ARHGEF12: variants seen among roughly 807,000 people sequenced by gnomAD.
ARHGEF12 encodes KMT2A/ARHGEF12 fusion protein.
A neutral mutation model predicts 211.2 loss-of-function variants in ARHGEF12; 66 were observed. The observed-to-expected ratio is 0.31, with a 90% confidence interval of 0.26 to 0.38. The LOEUF is 0.38. ARHGEF12 is among the 10% of genes least tolerant of loss of function. The probability of loss-of-function intolerance (pLI) is 1.00; values close to 1 mark genes in which losing one functional copy is unlikely to be tolerated. For synonymous variants in ARHGEF12, 592 were observed against 638.4 expected (o/e 0.93, Z 1.09); for missense variants, 1,429 against 1,869.5 (o/e 0.76, Z 4.34).
chr11:120,484,025 G>A (rs979300720), intron 39 of ARHGEF12, among the ~76,000 whole-genome samples: 104 of 152,208 alleles, frequency 6.8e-4, no homozygotes, highest in African/African-American at 2.4e-3. Flanking sequence ...AAAGTGCTGG[G>A]ATTACAGGCG....
intron 1 of ARHGEF12, among the ~76,000 whole-genome samples, chr11:120,386,434 C>T (rs1397736777): frequency 2.6e-5 from 4 of 152,048 alleles, no homozygotes; most frequent in Non-Finnish European, 4.4e-5. Context: ...CATGTTGAAG[C>T]GTACTATGGA....
At chr11:120,341,515 T>G (rs1249084926) in intron 1 of ARHGEF12, among the ~76,000 whole-genome samples, 1 of 152,212 alleles carries the variant, frequency 6.6e-6, no homozygotes, top group African/African-American at 2.4e-5. Context: ...TTGGAAAATA[T>G]TTCATTGTAC....
At chr11:120,445,947 C>T (rs1946032208) in intron 16 of ARHGEF12, among the ~76,000 whole-genome samples, 2 of 151,266 alleles carry the variant, frequency 1.3e-5, no homozygotes, top group African/African-American at 2.4e-5. Context: ...GCCTGTAGTA[C>T]TCCCAGCACT....
chr11:120,439,849 C>T (rs1945816732), intron 12 of ARHGEF12: 2 of 284,934 alleles, frequency 7.0e-6, no homozygotes, highest in Non-Finnish European at 1.3e-5. Context: ...AGTCAGATAA[C>T]CAAGTGTATA....
intron 8 of ARHGEF12, among the ~76,000 whole-genome samples, 198 bp downstream of exon 8, chr11:120,428,445 C>G (rs527350577): frequency 6.6e-6 from 1 of 152,100 alleles, no homozygotes; most frequent in Non-Finnish European, 1.5e-5. Flanking sequence ...GTATTAGACA[C>G]CTGCCATATG....
Position 120,457,179 on chromosome 11 carries a change from T to C in ARHGEF12, c.2118T>C (p.Thr706=). The C allele has an allele frequency of 6.2e-7, 1 of 1,614,092 alleles. No homozygotes were observed. The highest frequency in any genetic ancestry group is 8.5e-7 in the Non-Finnish European group (1 of 1,179,986). Residue 706 remains threonine, a synonymous_variant, in exon 23 of 41, where the codon ACT becomes ACC. Coordinates refer to ENST00000397843, the MANE Select transcript of ARHGEF12 (RefSeq NM_015313.3). ...ACACCTTAGATGGCACACCTCGTACTCTCAATACTGTCTTTGATTTCCCAC... is the reference window on the plus strand; with the variant it reads ...ACACCTTAGATGGCACACCTCGTACCCTCAATACTGTCTTTGATTTCCCAC... ...PGDTLDGTPR[T]LNTVFDFPPP...
At position 120,473,097 on chromosome 11, in the gene ARHGEF12, G is replaced by C; in HGVS notation, c.3003G>C (p.Leu1001Phe). ...GCCTTGATACCTCCAGCCTGAAGTTGTCAGAGTACCCAAATGTTGAAGAGC... is the reference window on the plus strand; with the variant it reads ...GCCTTGATACCTCCAGCCTGAAGTTCTCAGAGTACCCAAATGTTGAAGAGC... ...QRRLDTSSLKLSEYPNVEELR... is the reference protein window; with the variant it reads ...QRRLDTSSLKFSEYPNVEELR... The change falls in exon 31 of 41, where the codon TTG (leucine) becomes TTC (phenylalanine). Residue 1001 changes from leucine to phenylalanine, a missense_variant. By Grantham distance (22) the Leu-to-Phe change is conservative. Coordinates refer to ENST00000397843, the MANE Select transcript of ARHGEF12 (RefSeq NM_015313.3). The C allele has an allele frequency of 6.2e-7, 1 of 1,613,666 alleles. No homozygotes were observed. Among genetic ancestry groups the C allele is most frequent in the Non-Finnish European group, 8.5e-7 (1 of 1,179,758 alleles).
chr11:120,399,299 TGAGA>T (rs1024643519), intron 1 of ARHGEF12, among the ~76,000 whole-genome samples: 1 of 98,358 alleles, frequency 1.0e-5, no homozygotes, highest in Non-Finnish European at 1.9e-5. Context: ...CCAGCCTGAG[TGAGA>T]GAGTGAGACA....
rs1484732994 is a variant in ARHGEF12 at position 120,487,761 on chromosome 11, T to TGAAC, written c.*2684_*2685insGAAC. The TGAAC allele has an allele frequency of 2.0e-3, 442 of 221,976 alleles. 1 individual carries two copies. The highest frequency in any genetic ancestry group is 9.3e-3 in the African/African-American group (418 of 44,716). 13.8% of individuals were successfully genotyped at this position (221,976 alleles called of 1,614,324 possible). On this transcript the variant is annotated 3_prime_UTR_variant, in exon 41 of 41. Coordinates refer to ENST00000397843, the MANE Select transcript of ARHGEF12 (RefSeq NM_015313.3). Reference sequence around the variant, plus strand: ...TGCTCTCTTCTGTGGGCTTAATGGTTCCTTTGCTATGAAGTGGCAAATTAC... The same window carrying TGAAC: ...TGCTCTCTTCTGTGGGCTTAATGGTTGAACCCTTTGCTATGAAGTGGCAAATTAC...
intron 21 of ARHGEF12, chr11:120,449,735 A>G (rs1946149883): frequency 6.6e-6 from 1 of 151,726 alleles, no homozygotes; most frequent in Non-Finnish European, 1.5e-5. Context: ...AAAAAAAACG[A>G]AAACACACAT....
chr11:120,337,688 A>G (rs1169741733), intron 1 of ARHGEF12: 1 of 985,330 alleles, frequency 1.0e-6, no homozygotes, highest in Non-Finnish European at 1.2e-6. Flanking sequence ...ATTACATTTT[A>G]GGAATTTCTA....
intron 6 of ARHGEF12, among the ~76,000 whole-genome samples, chr11:120,422,470 A>C (rs1221925578): frequency 2.0e-5 from 3 of 152,196 alleles, no homozygotes; most frequent in Non-Finnish European, 2.9e-5. Context: ...AAACCAAAAC[A>C]AAAAACTTGG....
intron 27 of ARHGEF12, chr11:120,462,525 AG>A (rs1480996205): frequency 6.6e-6 from 1 of 152,212 alleles, no homozygotes; most frequent in Non-Finnish European, 1.5e-5. Context: ...AGACTTGCTC[AG>A]GGTTGCCATC....
intron 5 of ARHGEF12, among the ~76,000 whole-genome samples, chr11:120,421,291 G>A (rs892820046): frequency 2.0e-5 from 3 of 152,056 alleles, no homozygotes; most frequent in African/African-American, 7.2e-5. Context: ...CTATAATTTT[G>A]AGGTAGACAA....
intron 32 of ARHGEF12, 59 bp from the exon 33 acceptor site, chr11:120,475,275 ATAAAGT>A (rs1247474722): frequency 1.4e-6 from 2 of 1,452,018 alleles, no homozygotes; most frequent in Non-Finnish European, 1.9e-6. Flanking sequence ...TTGAATCATT[ATAAAGT>A]TAATCAAACG....
In ARHGEF12 at chr11:120,485,808, A is replaced by G. The variant is rs1049760985; in HGVS notation, c.*731A>G. Reference sequence around the variant, plus strand: ...TTCTCTGTAGCTGGGATCAACCACAATTAATAGGAATCCTCAACATACTAA... The same window carrying G: ...TTCTCTGTAGCTGGGATCAACCACAGTTAATAGGAATCCTCAACATACTAA... On this transcript the variant is annotated 3_prime_UTR_variant, in exon 41 of 41. Transcript: ENST00000397843. 8.6e-6 allele frequency: 2 copies of G among 233,328 alleles called. No individual in the cohort carries two copies. Among genetic ancestry groups the G allele is most frequent in the South Asian group, 1.8e-4 (1 of 5,528 alleles). The allele number at this position is 233,328 out of a possible 1,614,324, so 14.5% of individuals were successfully genotyped here.
chr11:120,403,996 C>G (rs1944618747), intron 1 of ARHGEF12, among the ~76,000 whole-genome samples: 1 of 152,228 alleles, frequency 6.6e-6, no homozygotes, highest in Admixed American at 6.5e-5. Context: ...TCCTTCCCTT[C>G]TGGGACAGGC....
intron 12 of ARHGEF12, among the ~76,000 whole-genome samples, chr11:120,437,820 A>T (rs1304301704): frequency 1.3e-5 from 2 of 152,194 alleles, no homozygotes; most frequent in African/African-American, 4.8e-5. Flanking sequence ...AAAAAGAATG[A>T]TACAATGTTT....
intron 1 of ARHGEF12, 89 bp from the exon 2 acceptor site, chr11:120,406,029 T>G: frequency 1.0e-6 from 1 of 991,468 alleles, no homozygotes; most frequent in African/African-American, 1.7e-5. Context: ...TTTAAATCTC[T>G]TATTCTGGTT....
Sources: allele counts gnomAD v4.1 joint callset (sites outside exome capture counted in the v4.1 genomes callset), GRCh38; gene constraint gnomAD v4.1.1; transcripts MANE v1.5; gene names NCBI Gene and HGNC (gene_info 2026-07-23, HGNC 2026-07-21).